The following OCA2 variants were observed in gnomAD, a reference collection of about 807,000 sequenced individuals.
OCA2 encodes OCA2 melanosomal transmembrane protein.
A neutral mutation model predicts 100.2 loss-of-function variants in OCA2; 77 were observed. The ratio of observed to expected loss-of-function variants is 0.77; its 90% CI spans 0.64 to 0.93. The LOEUF is 0.93. Ranked by LOEUF, OCA2 falls within the 40% of genes least tolerant of loss-of-function variation. The probability of loss-of-function intolerance (pLI) is 0.00; values close to 1 mark genes in which losing one functional copy is unlikely to be tolerated. For missense variants in OCA2, 1,062 were observed against 1,089.1 expected (o/e 0.98, Z 0.35); for synonymous variants, 432 against 439.2 (o/e 0.98, Z 0.21).
chr15:27,722,307 G>T, the OCA2 span, among the ~76,000 whole-genome samples: 1 of 152,210 alleles, frequency 6.6e-6, no homozygotes, highest in Non-Finnish European at 1.5e-5. Context: ...CTCAGTATCA[G>T]TTCTTGGATT....
chr15:28,015,825 A>G (rs2042372900), intron 8 of OCA2, among the ~76,000 whole-genome samples: 1 of 152,222 alleles, frequency 6.6e-6, no homozygotes, highest in South Asian at 2.1e-4. Flanking sequence ...AGAATTCTCC[A>G]TTGTACAGCT....
At chr15:27,745,284 T>C in the OCA2 span, among the ~76,000 whole-genome samples, 2,051 of 152,322 alleles carry the variant, frequency 0.013, 25 homozygotes, top group South Asian at 0.053. Flanking sequence ...AAAAAGGTCA[T>C]GGGGAGATGT....
intron 23 of OCA2, among the ~76,000 whole-genome samples, chr15:27,768,665 C>T (rs186619411): frequency 2.0e-5 from 3 of 152,262 alleles, no homozygotes; most frequent in Non-Finnish European, 2.9e-5. Flanking sequence ...CTCGAATAAA[C>T]TTTATATTTA....
At chr15:27,832,011 C>A (rs2034979176) in intron 23 of OCA2, among the ~76,000 whole-genome samples, 1 of 152,008 alleles carries the variant, frequency 6.6e-6, no homozygotes. Flanking sequence ...ATTCACCACC[C>A]CCTGCTCCGT....
At chr15:28,004,229 G>A (rs891680649) in intron 9 of OCA2, among the ~76,000 whole-genome samples, 66 of 147,508 alleles carry the variant, frequency 4.5e-4, no homozygotes, top group Admixed American at 3.8e-3. Context: ...CGGCCCTGGG[G>A]TGGGAGCATC....
intron 18 of OCA2, among the ~76,000 whole-genome samples, chr15:27,933,527 A>G (rs2039336482): frequency 6.6e-6 from 1 of 152,222 alleles, no homozygotes; most frequent in African/African-American, 2.4e-5. Context: ...AAGCTTTTTA[A>G]TCACCTGGGT....
intron 9 of OCA2, among the ~76,000 whole-genome samples, chr15:27,995,047 T>C (rs1031232635): frequency 6.6e-6 from 1 of 152,162 alleles, no homozygotes; most frequent in African/African-American, 2.4e-5. Context: ...CTTCCACTGA[T>C]AAAATGGTCA....
chr15:27,733,090 G>T, the OCA2 span, among the ~76,000 whole-genome samples: 1 of 152,288 alleles, frequency 6.6e-6, no homozygotes, highest in Non-Finnish European at 1.5e-5. Flanking sequence ...GGCTGGTCAC[G>T]AATGCCTGCA....
chr15:28,026,530 G>A (rs1037356626), intron 4 of OCA2, among the ~76,000 whole-genome samples: 7 of 152,182 alleles, frequency 4.6e-5, no homozygotes, highest in African/African-American at 9.7e-5. Flanking sequence ...GCTACAGGCC[G>A]TTGAGAGTCA....
In OCA2 at chr15:27,986,599, A is replaced by G. The variant is rs1259865280; in HGVS notation, c.1227T>C (p.Tyr409=). Residue 409 remains tyrosine (Y), a synonymous_variant, in exon 12 of 24, where the codon TAT becomes TAC. Transcript: ENST00000354638. ...ACATCATACCTACCTTTACAGCACA[A>G]TAATCGAAAAATCCCGTTTCTGAAA... ...AIFSETGFFD[Y]CAVKAYRLSR... 22 of 1,586,880 alleles carry G rather than the reference A, an allele frequency of 1.4e-5. No homozygotes were observed. The highest frequency in any genetic ancestry group is 1.9e-5 in the Non-Finnish European group (22 of 1,154,782).
At chr15:27,775,063 C>CATGTGTGTGTGT (rs1355131448) in intron 23 of OCA2, among the ~76,000 whole-genome samples, 16 of 143,034 alleles carry the variant, frequency 1.1e-4, no homozygotes, top group African/African-American at 1.6e-4. Flanking sequence ...TTTTAGAACT[C>CATGTGTGTGTGT]GTGTGTGTGT....
intron 23 of OCA2, among the ~76,000 whole-genome samples, chr15:27,841,788 G>A (rs1466011124): frequency 6.6e-6 from 1 of 152,176 alleles, no homozygotes; most frequent in Admixed American, 6.5e-5. Flanking sequence ...AATATTCAGT[G>A]TTTATACAGA....
At chr15:27,861,154 G>T (rs2036115180) in intron 21 of OCA2, among the ~76,000 whole-genome samples, 1 of 152,220 alleles carries the variant, frequency 6.6e-6, no homozygotes, top group African/African-American at 2.4e-5. Context: ...GAATGGATCA[G>T]ATTCAAAACC....
intron 15 of OCA2, among the ~76,000 whole-genome samples, chr15:27,961,965 TAAATAA>T (rs1035799599): frequency 2.6e-5 from 4 of 151,656 alleles, no homozygotes; most frequent in African/African-American, 7.3e-5. Flanking sequence ...TAAAATAAAA[TAAATAA>T]AAATAAAAAT....
At chr15:27,920,222 T>C (rs920371871) in intron 19 of OCA2, among the ~76,000 whole-genome samples, 1 of 152,082 alleles carries the variant, frequency 6.6e-6, no homozygotes, top group Non-Finnish European at 1.5e-5. Flanking sequence ...CTTACTGCTG[T>C]CACATTAGAT....
chr15:28,091,774 G>A lies in OCA2; in HGVS notation c.-22+7450C>T, dbSNP rs188150870. The stretch of plus-strand genomic sequence containing the variant: ...AGTTTGAGACCAGCCTGGCCAACAC[G>A]GCGAAACCTCGTCTCTACTAAAAAT... On this transcript the variant is annotated intron_variant, in intron 1 of 23. Coordinates refer to ENST00000354638, the MANE Select transcript of OCA2 (RefSeq NM_000275.3). Among the ~76,000 whole-genome samples, 26 of 152,038 alleles carry A rather than the reference G, an allele frequency of 1.7e-4. No homozygotes were observed. In the South Asian group the frequency reaches 4.0e-3, roughly 23 times the overall value.
At chr15:27,876,436 C>G (rs1330443133) in intron 19 of OCA2, among the ~76,000 whole-genome samples, 2 of 151,950 alleles carry the variant, frequency 1.3e-5, no homozygotes, top group Non-Finnish European at 2.9e-5. Context: ...GTCTTAATAT[C>G]AGGGTAATAC....
intron 19 of OCA2, among the ~76,000 whole-genome samples, chr15:27,920,136 G>A (rs1198492770): frequency 6.6e-6 from 1 of 152,054 alleles, no homozygotes; most frequent in Non-Finnish European, 1.5e-5. Context: ...AAATGGAATA[G>A]ACATACCAAT....
the OCA2 span, among the ~76,000 whole-genome samples, chr15:27,742,768 G>A: frequency 5.3e-5 from 8 of 152,276 alleles, no homozygotes; most frequent in South Asian, 2.1e-4. Flanking sequence ...GAAATGATGC[G>A]TTAGTCCACA....
Sources: gnomAD v4.1 joint callset for allele counts (sites outside exome capture counted in the v4.1 genomes callset) on GRCh38, gnomAD v4.1.1 for gene constraint, MANE v1.5 for transcripts, NCBI Gene and HGNC (gene_info 2026-07-23, HGNC 2026-07-21) for gene names.